Variants in ARHGAP17 observed in about 807,000 individuals in gnomAD.
ARHGAP17 encodes the protein rho GTPase-activating protein 17.
Under a neutral mutation model 99.5 loss-of-function variants are expected in ARHGAP17, and 57 were observed. That is an observed-to-expected ratio of 0.57 (90% CI 0.46 to 0.71). The LOEUF is 0.71. Among genes scored for constraint, ARHGAP17 ranks in the 30% least tolerant of loss-of-function variants. The pLI, the probability that ARHGAP17 is intolerant of heterozygous loss-of-function variation, is 0.00. For missense variants in ARHGAP17, 1,000 were observed against 1,122.4 expected (o/e 0.89, Z 1.56); for synonymous variants, 417 against 429.6 (o/e 0.97, Z 0.36).
intron 14 of ARHGAP17, among the ~76,000 whole-genome samples, chr16:24,945,832 G>A (rs1777222895): frequency 6.6e-6 from 1 of 152,118 alleles, no homozygotes; most frequent in African/African-American, 2.4e-5. Flanking sequence ...AAGCTAATAA[G>A]GGTTAATAAG....
At chr16:24,957,589 G>A (rs1354756956) in intron 9 of ARHGAP17, 1 of 152,256 alleles carries the variant, frequency 6.6e-6, no homozygotes. Context: ...AGGAAGGGAC[G>A]GCCCATGCCG....
chr16:24,968,933 G>C (rs2052278386), intron 4 of ARHGAP17, among the ~76,000 whole-genome samples, 161 bp from the exon 5 acceptor site: 1 of 152,182 alleles, frequency 6.6e-6, no homozygotes, highest in Non-Finnish European at 1.5e-5. Flanking sequence ...TAAAACATGA[G>C]TCCACAGATT....
At chr16:24,930,720 A>G (rs772684912) in intron 19 of ARHGAP17, 64 bp downstream of exon 19, 5 of 1,613,838 alleles carry the variant, frequency 3.1e-6, no homozygotes, top group African/African-American at 1.3e-5. Flanking sequence ...GCTTAAATAA[A>G]ATGTAGTAGT....
At position 25,002,864 on chromosome 16, in the gene ARHGAP17, C is replaced by G. The variant is rs144474406; in HGVS notation, c.53+12345G>C. Among the ~76,000 whole-genome samples, 676 of 152,128 alleles carry G rather than the reference C, an allele frequency of 4.4e-3. 7 individuals are homozygous for G. The highest frequency in any genetic ancestry group is 0.015 in the African/African-American group (643 of 41,508). ...GACCAGCCTGACCAATATGGTAAAACTCCCTCTCTACTAAAAATACAAAAA... is the reference window on the plus strand; with the variant it reads ...GACCAGCCTGACCAATATGGTAAAAGTCCCTCTCTACTAAAAATACAAAAA... On this transcript the variant is annotated intron_variant, in intron 1 of 19. Transcript: ENST00000289968.
At chr16:24,945,175 T>C (rs890818961) in intron 14 of ARHGAP17, among the ~76,000 whole-genome samples, 1 of 151,570 alleles carries the variant, frequency 6.6e-6, no homozygotes, top group Non-Finnish European at 1.5e-5. Context: ...ATACAAAAAT[T>C]GGCCAGGTGT....
At chr16:24,972,382 T>C (rs76217201) in intron 3 of ARHGAP17, among the ~76,000 whole-genome samples, 2,139 of 152,324 alleles carry the variant, frequency 0.014, 53 homozygotes, top group African/African-American at 0.049. Flanking sequence ...CCCCAAATTA[T>C]TGATTTTTAA....
intron 3 of ARHGAP17, 24 bp downstream of exon 3, chr16:24,977,191 G>A (rs768313926): frequency 1.3e-6 from 2 of 1,537,738 alleles, no homozygotes; most frequent in Non-Finnish European, 8.9e-7. Flanking sequence ...GGAACTGTGG[G>A]TCTGAGTCAC....
chr16:24,973,501 G>A (rs7205696), intron 3 of ARHGAP17, among the ~76,000 whole-genome samples: 47,640 of 152,076 alleles, frequency 0.31, 7,703 homozygotes, highest in East Asian at 0.5. Context: ...TTCGTTTGAC[G>A]TTGGAAAAGG....
chr16:24,993,206 CATT>C (rs1236629101), intron 1 of ARHGAP17, among the ~76,000 whole-genome samples: 1 of 152,094 alleles, frequency 6.6e-6, no homozygotes, highest in Non-Finnish European at 1.5e-5. Flanking sequence ...TGCATTTATA[CATT>C]ATTTTCTGTT....
intron 6 of ARHGAP17, among the ~76,000 whole-genome samples, chr16:24,965,414 G>A (rs2052148483): frequency 6.6e-6 from 1 of 152,208 alleles, no homozygotes; most frequent in Non-Finnish European, 1.5e-5. Context: ...AGCTTGCAGT[G>A]AGCCCAGACC....
intron 16 of ARHGAP17, 166 bp downstream of exon 16, chr16:24,941,821 T>C (rs2051320901): frequency 1.2e-6 from 1 of 834,516 alleles, no homozygotes; most frequent in South Asian, 1.6e-5. Context: ...ATGGTGAGAT[T>C]AGTGCTTGGA....
intron 18 of ARHGAP17, among the ~76,000 whole-genome samples, chr16:24,933,099 G>A (rs767679475): frequency 3.3e-5 from 5 of 152,058 alleles, no homozygotes; most frequent in Non-Finnish European, 7.4e-5. Context: ...AGCTAGTAAG[G>A]GGCAGAACTG....
intron 4 of ARHGAP17, 88 bp downstream of exon 4, chr16:24,970,419 C>T (rs531061109): frequency 1.6e-6 from 2 of 1,239,228 alleles, no homozygotes; most frequent in African/African-American, 1.5e-5. Flanking sequence ...GCTCACAGTT[C>T]CTCTCACAGG....
chr16:24,959,847 C>CA (rs1371449869), intron 8 of ARHGAP17, 64 bp downstream of exon 8: 6 of 1,602,172 alleles, frequency 3.7e-6, no homozygotes, highest in Admixed American at 3.4e-5. Context: ...AAATCTTTTG[C>CA]AAAAAAGCTA....
At chr16:24,950,836 C>CAAAAAAAAAAA (rs1177614713) in intron 12 of ARHGAP17, among the ~76,000 whole-genome samples, 12 of 39,418 alleles carry the variant, frequency 3.0e-4, no homozygotes, top group African/African-American at 1.3e-3. Flanking sequence ...GACTCCAACT[C>CAAAAAAAAAAA]AAAAAAAAAA....
At chr16:24,950,160 T>C (rs1322136523) in intron 12 of ARHGAP17, among the ~76,000 whole-genome samples, 3 of 152,116 alleles carry the variant, frequency 2.0e-5, no homozygotes, top group South Asian at 4.1e-4. Flanking sequence ...CTGGAGAACA[T>C]GGATAGGGAT....
At chr16:24,951,603 C>G (rs2051646693) in intron 12 of ARHGAP17, among the ~76,000 whole-genome samples, 1 of 152,194 alleles carries the variant, frequency 6.6e-6, no homozygotes, top group East Asian at 1.9e-4. Flanking sequence ...CTTCTTCAAC[C>G]TACTCGACAT....
At chr16:24,947,449 G>T in intron 14 of ARHGAP17, 33 bp downstream of exon 14, 1 of 1,570,478 alleles carries the variant, frequency 6.4e-7, no homozygotes, top group Non-Finnish European at 8.7e-7. Flanking sequence ...TGGGAAAGAA[G>T]AAATTCAAAT....
intron 10 of ARHGAP17, 77 bp from the exon 11 acceptor site, chr16:24,953,119 T>C (rs1388034168): frequency 2.2e-6 from 3 of 1,336,896 alleles, no homozygotes; most frequent in Non-Finnish European, 3.2e-6. Context: ...TTCTGATGGG[T>C]ATTTCCTGAC....
Sources: allele counts gnomAD v4.1 joint callset (sites outside exome capture counted in the v4.1 genomes callset), GRCh38; gene constraint gnomAD v4.1.1; transcripts MANE v1.5; gene names NCBI Gene and HGNC (gene_info 2026-07-23, HGNC 2026-07-21).